The following SLC26A8 variants were observed in gnomAD, a reference collection of about 807,000 sequenced individuals.
SLC26A8 encodes solute carrier family 26 member 8, also known as testis anion transporter 1.
Under a neutral mutation model 105.0 loss-of-function variants are expected in SLC26A8, and 70 were observed. That is an observed-to-expected ratio of 0.67 (90% confidence interval 0.55 to 0.81). The LOEUF is 0.81. Ranked by LOEUF, SLC26A8 falls within the 40% of genes least tolerant of loss-of-function variation. SLC26A8 has a pLI of 0.00. For missense variants in SLC26A8, 998 were observed against 1,181.8 expected (o/e 0.84, Z 2.28); for synonymous variants, 415 against 438.3 (o/e 0.95, Z 0.66).
At chr6:35,994,774 G>C (rs550882385) in intron 5 of SLC26A8, among the ~76,000 whole-genome samples, 1 of 152,024 alleles carries the variant, frequency 6.6e-6, no homozygotes, top group South Asian at 2.1e-4. Context: ...ACAGGGTTTC[G>C]CCAAGTTGGC....
At chr6:35,997,970 T>A (rs1248262698) in intron 4 of SLC26A8, 51 bp from the exon 5 acceptor site, 3 of 1,545,272 alleles carry the variant, frequency 1.9e-6, no homozygotes, top group Non-Finnish European at 2.7e-6. Flanking sequence ...CCAGGTAAAC[T>A]GATATTGACA....
chr6:36,007,511 C>A (rs1252131469), intron 3 of SLC26A8, among the ~76,000 whole-genome samples: 1 of 152,082 alleles, frequency 6.6e-6, no homozygotes, highest in Non-Finnish European at 1.5e-5. Flanking sequence ...ATAAAGATGC[C>A]AATTCTTCCT....
chr6:35,959,774 C>G lies in SLC26A8; in HGVS notation c.1671G>C (p.Gln557His). The change falls in exon 15 of 20, where the codon CAG (glutamine) becomes CAC (histidine). Residue 557 changes from glutamine to histidine, a missense_variant. Gln to His is a conservative substitution (Grantham distance 24). Coordinates refer to ENST00000490799, the MANE Select transcript of SLC26A8 (RefSeq NM_052961.4). Reference protein sequence around the residue: ...IITIPGVKIFQCCSSITFVNV... With the variant: ...IITIPGVKIFHCCSSITFVNV... ...TTACAAATGTAATTGAGCTGCAGCACTGGAAGATTTTCACCCCAGGAATGG... is the reference window on the plus strand; with the variant it reads ...TTACAAATGTAATTGAGCTGCAGCAGTGGAAGATTTTCACCCCAGGAATGG... The G allele has an allele frequency of 3.1e-6, 5 of 1,608,810 alleles. No individual in the cohort carries two copies. The highest frequency in any genetic ancestry group is 4.2e-6 in the Non-Finnish European group (5 of 1,178,898).
At position 35,959,678 on chromosome 6, in the gene SLC26A8, G is replaced by A. The variant is rs1355475900; in HGVS notation, c.1731+36C>T. ...GAGAGAGATGCCAGTGGCGGGGAGT[G>A]GGCAGGTTGAGAAAGGCGGGCAGGA... On this transcript the variant is annotated intron_variant, in intron 15 of 19. Transcript: ENST00000490799. 1.2e-6 allele frequency: 2 copies of A among 1,602,716 alleles called. 1 individual carries two copies.
chr6:35,990,902 A>G (rs982054069), intron 7 of SLC26A8, among the ~76,000 whole-genome samples: 2 of 152,056 alleles, frequency 1.3e-5, no homozygotes, highest in African/African-American at 4.8e-5. Flanking sequence ...CATAAGGGGA[A>G]AAAAAAACCT....
intron 10 of SLC26A8, among the ~76,000 whole-genome samples, chr6:35,971,279 C>A (rs768786958): frequency 6.6e-6 from 1 of 152,226 alleles, no homozygotes; most frequent in African/African-American, 2.4e-5. Context: ...CTGATGACAG[C>A]AAGCACTGTC....
At chr6:35,977,443 T>A in intron 8 of SLC26A8, 92 bp from the exon 9 acceptor site, 43 of 222,586 alleles carry the variant, frequency 1.9e-4, no homozygotes, top group Non-Finnish European at 2.9e-4. Context: ...GTCCTGATTC[T>A]TTTTTTTTTT....
chr6:35,960,684 A>C (rs1275976692), intron 14 of SLC26A8, 159 bp downstream of exon 14: 1 of 704,942 alleles, frequency 1.4e-6, no homozygotes, highest in African/African-American at 1.8e-5. Context: ...ATAAAAACAA[A>C]GAACCCATCT....
intron 6 of SLC26A8, 82 bp downstream of exon 6, chr6:35,992,428 A>G (rs1312349634): frequency 7.1e-7 from 1 of 1,405,422 alleles, no homozygotes; most frequent in East Asian, 2.3e-5. Context: ...AAGGGGCGGG[A>G]GTCTCCCTAC....
At chr6:36,014,960 C>T (rs965213241) in intron 2 of SLC26A8, among the ~76,000 whole-genome samples, 13 of 152,142 alleles carry the variant, frequency 8.5e-5, no homozygotes, top group African/African-American at 3.1e-4. Flanking sequence ...CTCACAATCA[C>T]TTTACGAGGC....
At position 36,022,953 on chromosome 6, in the gene SLC26A8, G is replaced by A. The variant is rs139895687; in HGVS notation, c.-3+1551C>T. 3.5e-3 allele frequency among the ~76,000 whole-genome samples: 526 copies of A among 150,112 alleles called. 3 individuals carry two copies. The highest frequency in any genetic ancestry group is 0.012 in the African/African-American group (513 of 41,164). Reference sequence around the variant, plus strand: ...TCTGTTTTAAGAAGCTGTCCAGACTGCTGGGCCCCCAGAGATTCTGATTCA... The same window carrying A: ...TCTGTTTTAAGAAGCTGTCCAGACTACTGGGCCCCCAGAGATTCTGATTCA... On this transcript the variant is annotated intron_variant, in intron 1 of 19. Transcript: ENST00000490799.
Position 35,982,433 on chromosome 6 carries a change from T to C in SLC26A8, c.943-230A>G, listed in dbSNP as rs9470187. Among the ~76,000 whole-genome samples the C allele has an allele frequency of 0.18, 27,084 of 152,144 alleles. 2,491 individuals are homozygous for C. Among genetic ancestry groups the C allele is most frequent in the Middle Eastern group, 0.23 (69 of 294 alleles). On this transcript the variant is annotated intron_variant, in intron 7 of 19. Coordinates refer to ENST00000490799, the MANE Select transcript of SLC26A8 (RefSeq NM_052961.4). ...TCTCTAAGCCAGAGTGCAAAACAAC[T>C]TGGTCTGTGAACATGATGGGAACAA...
Position 35,984,892 on chromosome 6 carries a change from C to G in SLC26A8, c.943-2689G>C, listed in dbSNP as rs145648777. Among the ~76,000 whole-genome samples the G allele has an allele frequency of 3.1e-3, 465 of 152,180 alleles. 3 individuals are homozygous for G. Among genetic ancestry groups the G allele is most frequent in the African/African-American group, 0.011 (456 of 41,516 alleles). The stretch of plus-strand genomic sequence containing the variant: ...GGGGTCAGACATACGTCATTATATC[C>G]CTCCACCCTTTTGGAATTCAGGAAA... On this transcript the variant is annotated intron_variant, in intron 7 of 19. Coordinates refer to ENST00000490799, the MANE Select transcript of SLC26A8 (RefSeq NM_052961.4).
At chr6:35,976,487 G>A (rs1054625139) in intron 9 of SLC26A8, among the ~76,000 whole-genome samples, 2 of 150,572 alleles carry the variant, frequency 1.3e-5, no homozygotes, top group African/African-American at 4.9e-5. Flanking sequence ...TGAGTTCTAG[G>A]GAAAGGGCTA....
chr6:35,995,179 A>G (rs1355466995), intron 5 of SLC26A8, among the ~76,000 whole-genome samples: 1 of 152,242 alleles, frequency 6.6e-6, no homozygotes, highest in Non-Finnish European at 1.5e-5. Context: ...ACTCTTCTTC[A>G]TACCATCCCT....
At chr6:35,953,413 G>A (rs1408949307) in intron 17 of SLC26A8, among the ~76,000 whole-genome samples, 1 of 152,204 alleles carries the variant, frequency 6.6e-6, no homozygotes, top group Non-Finnish European at 1.5e-5. Context: ...GGCCACTTAT[G>A]AGCTGTGAGC....
At chr6:35,949,635 A>G (rs1016677758) in intron 19 of SLC26A8, among the ~76,000 whole-genome samples, 33 of 152,218 alleles carry the variant, frequency 2.2e-4, no homozygotes, top group African/African-American at 6.7e-4. Flanking sequence ...CTAAATATGT[A>G]AAAACAAATA....
intron 2 of SLC26A8, among the ~76,000 whole-genome samples, chr6:36,018,231 T>C (rs1042031588): frequency 6.6e-6 from 1 of 152,234 alleles, no homozygotes; most frequent in African/African-American, 2.4e-5. Context: ...CAGCATTATT[T>C]ACAGTAGCCT....
chr6:36,024,288 T>C (rs1332629825), intron 1 of SLC26A8: 2 of 350,718 alleles, frequency 5.7e-6, no homozygotes, highest in Non-Finnish European at 1.1e-5. Flanking sequence ...TGTTGTCTCT[T>C]GTCATTGCCA....
Sources: gnomAD v4.1 joint callset for allele counts (sites outside exome capture counted in the v4.1 genomes callset) on GRCh38, gnomAD v4.1.1 for gene constraint, MANE v1.5 for transcripts, NCBI Gene and HGNC (gene_info 2026-07-23, HGNC 2026-07-21) for gene names.